ZBTB44: variants seen among roughly 807,000 people sequenced by gnomAD.
ZBTB44 encodes the protein zinc finger and BTB domain-containing protein 44.
In ZBTB44, 15 loss-of-function variants were observed where a neutral mutation model predicts 54.0. The observed-to-expected ratio is 0.28, with a 90% confidence interval of 0.19 to 0.43. The LOEUF is 0.43. Among genes scored for constraint, ZBTB44 ranks in the 20% least tolerant of loss-of-function variants. The probability of loss-of-function intolerance (pLI) is 1.00; values close to 1 mark genes in which losing one functional copy is unlikely to be tolerated. For missense variants in ZBTB44, 487 were observed against 707.1 expected, an observed-to-expected ratio of 0.69 and a Z score of 3.53; for synonymous variants, 230 against 250.1, an observed-to-expected ratio of 0.92 and a Z score of 0.76.
At chr11:130,236,563 C>A in intron 5 of ZBTB44, 4 of 407,190 alleles carry the variant, frequency 9.8e-6, no homozygotes, top group South Asian at 1.0e-4. Flanking sequence ...TCTACTTCTG[C>A]AGGAAAATAT....
chr11:130,287,764 C>T (rs920905083), intron 1 of ZBTB44, among the ~76,000 whole-genome samples: 3 of 151,904 alleles, frequency 2.0e-5, no homozygotes, highest in East Asian at 1.9e-4. Flanking sequence ...CACTAGACAG[C>T]GGATTTTAAA....
chr11:130,311,264 T>TG (rs144023130), intron 1 of ZBTB44, among the ~76,000 whole-genome samples: 1 of 152,224 alleles, frequency 6.6e-6, no homozygotes, highest in South Asian at 2.1e-4. Context: ...TGAAGTGCAG[T>TG]GGGGTATGAA....
chr11:130,278,311 T>A (rs80317219), intron 1 of ZBTB44, among the ~76,000 whole-genome samples: 1 of 152,166 alleles, frequency 6.6e-6, no homozygotes, highest in South Asian at 2.1e-4. Flanking sequence ...GTTCAGTACC[T>A]CATATGATTT....
rs1953738538 is a variant in ZBTB44 at position 130,227,624 on chromosome 11, G to A, written c.*4140C>T. Reference sequence around the variant, plus strand: ...TCAGTCACCCATCTGGAAGACCATGGTGTACAGTTTCCGCCTAGGCTGGCT... The same window carrying A: ...TCAGTCACCCATCTGGAAGACCATGATGTACAGTTTCCGCCTAGGCTGGCT... On this transcript the variant is annotated 3_prime_UTR_variant, in exon 8 of 8. Coordinates refer to ENST00000357899, the MANE Select transcript of ZBTB44 (RefSeq NM_001301098.2). 6.6e-6 allele frequency: 1 copy of A among 152,178 alleles called. No homozygotes were observed. The highest frequency in any genetic ancestry group is 2.4e-5 in the African/African-American group (1 of 41,432). 9.4% of individuals were successfully genotyped at this position (152,178 alleles called of 1,614,324 possible).
chr11:130,257,838 C>T (rs116878930), intron 2 of ZBTB44, among the ~76,000 whole-genome samples: 1,630 of 152,280 alleles, frequency 0.011, 8 homozygotes, highest in Non-Finnish European at 0.015. Flanking sequence ...TATAGGTATT[C>T]CCCAAGGTAT....
chr11:130,305,371 A>G (rs1942210296), intron 1 of ZBTB44, among the ~76,000 whole-genome samples: 1 of 152,258 alleles, frequency 6.6e-6, no homozygotes. Flanking sequence ...ACAAGGCTAT[A>G]GTCACCAAAA....
chr11:130,254,796 T>G (rs571507322), intron 2 of ZBTB44, among the ~76,000 whole-genome samples: 1 of 152,246 alleles, frequency 6.6e-6, no homozygotes, highest in South Asian at 2.1e-4. Context: ...TGTGGCACTA[T>G]TCACAATAGC....
intron 5 of ZBTB44, 143 bp downstream of exon 5, chr11:130,236,650 T>TA (rs1283945096): frequency 7.3e-6 from 6 of 822,280 alleles, no homozygotes; most frequent in Non-Finnish European, 9.9e-6. Flanking sequence ...ATCAGGAGAT[T>TA]AGAGTATGAA....
At chr11:130,235,919 G>A (rs1280350420) in intron 5 of ZBTB44, among the ~76,000 whole-genome samples, 6 of 148,572 alleles carry the variant, frequency 4.0e-5, no homozygotes, top group Non-Finnish European at 7.4e-5. Context: ...GCAGTAAGCC[G>A]AAATCGTGCC....
chr11:130,279,692 C>T (rs1940370414), intron 1 of ZBTB44, among the ~76,000 whole-genome samples: 2 of 152,126 alleles, frequency 1.3e-5, no homozygotes, highest in Non-Finnish European at 1.5e-5. Context: ...ACCAACCAAC[C>T]GTAGCTCATT....
intron 1 of ZBTB44, among the ~76,000 whole-genome samples, chr11:130,283,706 C>T (rs1398054832): frequency 6.6e-6 from 1 of 151,920 alleles, no homozygotes; most frequent in East Asian, 1.9e-4. Flanking sequence ...TGGCTCATGC[C>T]TGTAATCCCA....
intron 1 of ZBTB44, among the ~76,000 whole-genome samples, chr11:130,262,541 AT>A (rs1938946800): frequency 6.6e-6 from 1 of 152,180 alleles, no homozygotes; most frequent in Non-Finnish European, 1.5e-5. Context: ...AATGCTTCAC[AT>A]TTAATAGTTA....
At chr11:130,307,550 C>T (rs1425754404) in intron 1 of ZBTB44, among the ~76,000 whole-genome samples, 1 of 152,024 alleles carries the variant, frequency 6.6e-6, no homozygotes, top group Non-Finnish European at 1.5e-5. Context: ...GTTTCTGAAG[C>T]AAGGGGTCAG....
chr11:130,235,799 C>T (rs1200156073), intron 5 of ZBTB44, among the ~76,000 whole-genome samples: 3 of 151,952 alleles, frequency 2.0e-5, no homozygotes, highest in Non-Finnish European at 4.4e-5. Context: ...GTCAGGGGTT[C>T]GAGATCAGAC....
Position 130,313,924 on chromosome 11 carries a change from A to G in ZBTB44, c.-57+451T>C, listed in dbSNP as rs141301781. On this transcript the variant is annotated intron_variant, in intron 1 of 7. Coordinates refer to ENST00000357899, the MANE Select transcript of ZBTB44 (RefSeq NM_001301098.2). Reference sequence around the variant, plus strand: ...GGAAAAGAGGTGTGTGTGTGTGTGTATGTGTGTGTGTGTTTGTGTGTGTGT... The same window carrying G: ...GGAAAAGAGGTGTGTGTGTGTGTGTGTGTGTGTGTGTGTTTGTGTGTGTGT... Among the ~76,000 whole-genome samples the G allele has an allele frequency of 2.9e-3, 252 of 86,320 alleles. 1 individual carries two copies. Among genetic ancestry groups the G allele is most frequent in the African/African-American group, 7.5e-3 (214 of 28,464 alleles). 56.6% of individuals were successfully genotyped at this position (86,320 alleles called of 152,430 possible).
In ZBTB44 at chr11:130,228,982, C is replaced by T. The variant is rs1452084798; in HGVS notation, c.*2782G>A. ...GTTAAAAAAAGTTTTGTTTTTAATCCGCAGTCCTTACTCTTAAGTTCTCTG... is the reference window on the plus strand; with the variant it reads ...GTTAAAAAAAGTTTTGTTTTTAATCTGCAGTCCTTACTCTTAAGTTCTCTG... On this transcript the variant is annotated 3_prime_UTR_variant, in exon 8 of 8. Coordinates refer to ENST00000357899, the MANE Select transcript of ZBTB44 (RefSeq NM_001301098.2). 2.0e-5 allele frequency: 3 copies of T among 151,796 alleles called. No homozygotes were observed. Among genetic ancestry groups the T allele is most frequent in the East Asian group, 1.9e-4 (1 of 5,198 alleles). 9.4% of individuals were successfully genotyped at this position (151,796 alleles called of 1,614,324 possible). A position where few individuals can be genotyped will look rare whatever the true frequency, so the allele number is the denominator to read the frequency against.
At chr11:130,262,463 G>A (rs1205193048) in intron 1 of ZBTB44, among the ~76,000 whole-genome samples, 1 of 152,126 alleles carries the variant, frequency 6.6e-6, no homozygotes, top group Non-Finnish European at 1.5e-5. Flanking sequence ...TTAATGAGCT[G>A]CAGGGCTGCA....
At chr11:130,247,419 A>T (rs636684) in intron 2 of ZBTB44, among the ~76,000 whole-genome samples, 85,528 of 152,108 alleles carry the variant, frequency 0.56, 27,537 homozygotes, top group South Asian at 0.7. Flanking sequence ...AGTTCAATGA[A>T]GCCCTTCACT....
intron 1 of ZBTB44, among the ~76,000 whole-genome samples, chr11:130,276,636 T>C (rs944812120): frequency 6.6e-6 from 1 of 152,034 alleles, no homozygotes; most frequent in African/African-American, 2.4e-5. Context: ...GGTTTTACCA[T>C]GATGGCCAGG....
Sources: allele counts gnomAD v4.1 joint callset (sites outside exome capture counted in the v4.1 genomes callset), GRCh38; gene constraint gnomAD v4.1.1; transcripts MANE v1.5; gene names NCBI Gene and HGNC (gene_info 2026-07-23, HGNC 2026-07-21).